RGS6: variants seen among roughly 807,000 people sequenced by gnomAD.
RGS6 encodes regulator of G protein signaling 6, also known as regulator of G-protein signaling 6.
RGS6 carries 30 observed loss-of-function variants against 78.5 expected under a neutral mutation model. The ratio of observed to expected loss-of-function variants is 0.38; its 90% CI spans 0.29 to 0.52. RGS6 has a LOEUF of 0.52. RGS6 is among the 20% of genes least tolerant of loss of function. The probability of loss-of-function intolerance (pLI) is 0.85; values close to 1 mark genes in which losing one functional copy is unlikely to be tolerated. For missense variants in RGS6, 495 were observed against 609.7 expected (o/e 0.81, Z 1.98); for synonymous variants, 206 against 206.0 (o/e 1.00, Z 0.00).
chr14:72,629,825 T>A, the RGS6 span: 3 of 1,098,932 alleles, frequency 2.7e-6, no homozygotes, highest in Non-Finnish European at 4.0e-6. Context: ...TGATGCCCAG[T>A]GTGCAGGCAG....
chr14:72,436,866 A>T (rs868343382), intron 3 of RGS6, among the ~76,000 whole-genome samples: 1 of 152,314 alleles, frequency 6.6e-6, no homozygotes, highest in South Asian at 2.1e-4. Flanking sequence ...TCAGATGTTT[A>T]TTGGAAATCT....
intron 2 of RGS6, among the ~76,000 whole-genome samples, chr14:72,145,843 G>A (rs971217775): frequency 6.6e-6 from 1 of 152,142 alleles, no homozygotes; most frequent in African/African-American, 2.4e-5. Context: ...GACAGGAGAT[G>A]TATAGTAGAG....
At chr14:71,979,033 T>A (rs2094306788) in intron 2 of RGS6, among the ~76,000 whole-genome samples, 1 of 151,684 alleles carries the variant, frequency 6.6e-6, no homozygotes, top group Non-Finnish European at 1.5e-5. Context: ...TCTTCTAGAC[T>A]TTCTAGTTTA....
chr14:71,911,215 G>A, the RGS6 span, among the ~76,000 whole-genome samples: 214 of 137,684 alleles, frequency 1.6e-3, no homozygotes, highest in African/African-American at 4.6e-3. Context: ...CAATATCACT[G>A]CCTGTCTTCT....
chr14:72,011,442 C>T (rs1343706145), intron 2 of RGS6, among the ~76,000 whole-genome samples: 1 of 152,124 alleles, frequency 6.6e-6, no homozygotes, highest in Non-Finnish European at 1.5e-5. Context: ...TGCTTTCCTG[C>T]CTCCATTTTG....
chr14:72,235,677 AC>A (rs923100072), intron 2 of RGS6, among the ~76,000 whole-genome samples: 1 of 152,176 alleles, frequency 6.6e-6, no homozygotes, highest in African/African-American at 2.4e-5. Flanking sequence ...GTAACGCCAA[AC>A]CTAGGACTTG....
intron 2 of RGS6, among the ~76,000 whole-genome samples, chr14:72,005,179 A>G (rs927798263): frequency 1.3e-5 from 2 of 152,218 alleles, no homozygotes; most frequent in African/African-American, 4.8e-5. Flanking sequence ...TTAATAAAAT[A>G]GTGTGAGCCT....
chr14:72,397,220 T>A (rs2091517948), intron 3 of RGS6, among the ~76,000 whole-genome samples: 1 of 152,220 alleles, frequency 6.6e-6, no homozygotes, highest in Non-Finnish European at 1.5e-5. Flanking sequence ...CCTCTTTTAT[T>A]TCATTTAGTA....
chr14:72,210,875 CTGTAAT>C (rs1205999796), intron 2 of RGS6, among the ~76,000 whole-genome samples: 1 of 151,964 alleles, frequency 6.6e-6, no homozygotes, highest in East Asian at 1.9e-4. Context: ...AAATGGTACT[CTGTAAT>C]TGAGCAATAA....
intron 4 of RGS6, 21 bp from the exon 5 acceptor site, chr14:72,458,250 C>T (rs2095685169): frequency 6.3e-7 from 1 of 1,582,208 alleles, no homozygotes; most frequent in Non-Finnish European, 8.7e-7. Context: ...TTCCTTCTCT[C>T]TCTATGCACT....
chr14:72,495,300 T>G (rs771913372), intron 13 of RGS6, 38 bp downstream of exon 13: 5 of 1,248,242 alleles, frequency 4.0e-6, no homozygotes, highest in Non-Finnish European at 5.9e-6. Context: ...GGGATGAATG[T>G]AGACAAAAAT....
At chr14:72,232,419 C>T (rs1456249926) in intron 2 of RGS6, among the ~76,000 whole-genome samples, 1 of 152,206 alleles carries the variant, frequency 6.6e-6, no homozygotes, top group Non-Finnish European at 1.5e-5. Flanking sequence ...GCATGCACTT[C>T]TTTCTTTTCT....
chr14:71,890,834 A>G, the RGS6 span, among the ~76,000 whole-genome samples: 1 of 152,258 alleles, frequency 6.6e-6, no homozygotes, highest in African/African-American at 2.4e-5. Flanking sequence ...GAAGGACTCC[A>G]TTCAGCTTGG....
At chr14:72,246,153 A>G (rs7156404) in intron 2 of RGS6, among the ~76,000 whole-genome samples, 13,845 of 152,240 alleles carry the variant, frequency 0.091, 801 homozygotes, top group East Asian at 0.28. Flanking sequence ...AACAATTGCT[A>G]TAACGATTGT....
At chr14:72,027,813 T>C (rs1041002479) in intron 2 of RGS6, among the ~76,000 whole-genome samples, 2 of 152,224 alleles carry the variant, frequency 1.3e-5, no homozygotes, top group African/African-American at 4.8e-5. Context: ...CGGATCACCT[T>C]TCTTACAGAA....
In RGS6 at chr14:72,557,084, CCT is replaced by C. The variant is rs537625381; in HGVS notation, c.1423-5328_1423-5327del. On this transcript the variant is annotated intron_variant, in intron 17 of 17. Transcript: ENST00000553525. Reference sequence around the variant, plus strand: ...GGAAGGGTGAGAAAGACAGGAATGGCCTCTCTTCCTTCCCATGCTGCTCTGAC... The same window carrying C: ...GGAAGGGTGAGAAAGACAGGAATGGCCTCTTCCTTCCCATGCTGCTCTGAC... Among the ~76,000 whole-genome samples, 12 of 152,348 alleles carry C rather than the reference CCT, an allele frequency of 7.9e-5. No homozygotes were observed. In the East Asian group the frequency reaches 2.3e-3, roughly 29 times the overall value.
At chr14:72,307,789 A>C (rs2067594119) in intron 2 of RGS6, among the ~76,000 whole-genome samples, 1 of 152,168 alleles carries the variant, frequency 6.6e-6, no homozygotes, top group Non-Finnish European at 1.5e-5. Context: ...ATTCTTGAAA[A>C]TTCATATACT....
At chr14:72,018,527 A>C (rs7494103) in intron 2 of RGS6, among the ~76,000 whole-genome samples, 27,823 of 152,174 alleles carry the variant, frequency 0.18, 2,623 homozygotes, top group African/African-American at 0.21. Context: ...AGGAAGCCTA[A>C]ATTTGTACCG....
At chr14:71,935,021 G>A (rs1167258100) in intron 1 of RGS6, among the ~76,000 whole-genome samples, 1 of 152,110 alleles carries the variant, frequency 6.6e-6, no homozygotes, top group Admixed American at 6.5e-5. Flanking sequence ...AATTGGTATT[G>A]CTCTGAACCT....
Sources: allele counts gnomAD v4.1 joint callset (sites outside exome capture counted in the v4.1 genomes callset), GRCh38; gene constraint gnomAD v4.1.1; transcripts MANE v1.5; gene names NCBI Gene and HGNC (gene_info 2026-07-23, HGNC 2026-07-21).